Variants in BIRC6 observed in about 807,000 individuals in gnomAD.
The protein encoded by BIRC6 is baculoviral IAP repeat containing 6.
Under a neutral mutation model 503.3 loss-of-function variants are expected in BIRC6, and 98 were observed. The ratio of observed to expected loss-of-function variants is 0.19; its 90% CI spans 0.17 to 0.23. BIRC6 has a LOEUF of 0.23. Ranked by LOEUF, BIRC6 falls within the 10% of genes least tolerant of loss-of-function variation. The pLI is 1.00. For missense variants in BIRC6, 5,360 were observed against 5,806.0 expected, an observed-to-expected ratio of 0.92 and a Z score of 2.50; for synonymous variants, 2,240 against 2,078.7, an observed-to-expected ratio of 1.08 and a Z score of -2.11.
intron 22 of BIRC6, among the ~76,000 whole-genome samples, chr2:32,451,669 G>A (rs2046745828): frequency 6.6e-6 from 1 of 152,202 alleles, no homozygotes. Flanking sequence ...GTGAAGTTCA[G>A]TTACAAGCTG....
intron 66 of BIRC6, among the ~76,000 whole-genome samples, chr2:32,575,887 A>G (rs992128115): frequency 1.3e-5 from 2 of 152,234 alleles, no homozygotes; most frequent in Non-Finnish European, 1.5e-5. Context: ...CTTATTCAGT[A>G]TCTCCCTGTG....
chr2:32,550,003 T>C (rs2058319627), intron 65 of BIRC6, among the ~76,000 whole-genome samples: 1 of 152,188 alleles, frequency 6.6e-6, no homozygotes, highest in Non-Finnish European at 1.5e-5. Context: ...TAATATAGTT[T>C]ATTATTTCCT....
rs751675368 is a variant in BIRC6, at chr2:32,469,415, T to C, written c.6148T>C (p.Leu2050=). The stretch of plus-strand genomic sequence containing the variant: ...AATAGGACACTCTGTTCCTGCAGTT[T>C]TGCAGAGCACATTTCATGCCCAGGC... The part of the protein sequence containing the change: ...ASNGHSVPAV[L]QSTFHAQACE... Residue 2050 remains leucine (L), a synonymous_variant, in exon 30 of 74, where the codon TTG becomes CTG. Transcript: ENST00000421745. 3.7e-6 allele frequency: 6 copies of C among 1,613,394 alleles called. No individual in the cohort carries two copies. Among genetic ancestry groups the C allele is most frequent in the Admixed American group, 1.7e-5 (1 of 59,920 alleles).
rs778804885 is a variant in BIRC6, at chr2:32,598,014, C to T, written c.13830+46C>T. On this transcript the variant is annotated intron_variant, in intron 69 of 73. Coordinates refer to ENST00000421745, the MANE Select transcript of BIRC6 (RefSeq NM_016252.4). ...AGCACTCTCCCTTATCTCCTTGGCT[C>T]ATCTAATTACTCAAATTTTTATACA... The T allele has an allele frequency of 2.8e-6, 4 of 1,436,924 alleles. No individual in the cohort carries two copies. In the Admixed American group the frequency reaches 8.3e-5, roughly 30 times the overall value. 89.0% of individuals were successfully genotyped at this position (1,436,924 alleles called of 1,614,324 possible).
At chr2:32,550,510 C>T (rs1357074090) in intron 65 of BIRC6, among the ~76,000 whole-genome samples, 1 of 151,962 alleles carries the variant, frequency 6.6e-6, no homozygotes, top group African/African-American at 2.4e-5. Flanking sequence ...AAGTAGATGT[C>T]AAATGCATAA....
At chr2:32,466,922 A>G (rs1178131948) in intron 26 of BIRC6, among the ~76,000 whole-genome samples, 1 of 152,062 alleles carries the variant, frequency 6.6e-6, no homozygotes, top group East Asian at 1.9e-4. Flanking sequence ...GATTAAGACC[A>G]TCCTGGCTAG....
intron 57 of BIRC6, chr2:32,519,279 T>C: frequency 9.1e-6 from 2 of 219,052 alleles, no homozygotes; most frequent in South Asian, 1.5e-4. Flanking sequence ...AATAGCAAGA[T>C]TCTAATTAAT....
chr2:32,419,824 T>G (rs1252577296), intron 10 of BIRC6, among the ~76,000 whole-genome samples: 1 of 152,204 alleles, frequency 6.6e-6, no homozygotes, highest in Non-Finnish European at 1.5e-5. Flanking sequence ...ATTATTGGAC[T>G]GTATGGTCAC....
intron 55 of BIRC6, among the ~76,000 whole-genome samples, chr2:32,516,231 A>G (rs946580836): frequency 6.6e-6 from 1 of 152,166 alleles, no homozygotes; most frequent in Non-Finnish European, 1.5e-5. Context: ...TGTGGAAGAT[A>G]GGCTGGTTGT....
intron 1 of BIRC6, 89 bp from the exon 2 acceptor site, chr2:32,377,499 A>G (rs569737581): frequency 4.7e-6 from 5 of 1,053,360 alleles, no homozygotes; most frequent in African/African-American, 1.6e-5. Context: ...TCAGGATAAT[A>G]TATTGTGTTT....
At chr2:32,533,751 C>T (rs2056968682) in intron 61 of BIRC6, among the ~76,000 whole-genome samples, 1 of 152,182 alleles carries the variant, frequency 6.6e-6, no homozygotes, top group Non-Finnish European at 1.5e-5. Flanking sequence ...TAAGTAGCCT[C>T]TGGAAGCTGG....
At chr2:32,369,942 AAAAATATATATATATAT>A (rs1267364955) in intron 1 of BIRC6, among the ~76,000 whole-genome samples, 1 of 34,306 alleles carries the variant, frequency 2.9e-5, no homozygotes, top group African/African-American at 1.7e-4. Flanking sequence ...AAAAAAAAAA[AAAAATATATATATATAT>A]ATATATATAT....
In BIRC6 at chr2:32,436,166, A is replaced by G. The variant is rs537563280; in HGVS notation, c.3613A>G (p.Ser1205Gly). The change falls in exon 15 of 74, where the codon AGC (serine) becomes GGC (glycine). Residue 1205 changes from serine (S) to glycine (G), a missense_variant. This residue lies in a region of BIRC6 where 2,299 missense variants were observed against 2,267.2 expected (regional missense o/e 1.01). Transcript: ENST00000421745. The stretch of plus-strand genomic sequence containing the variant: ...GCATGCTGGAATGTTGACGTTAACA[A>G]GCCCCAAACTTGTTAAAGGTGAAGT... Reference protein sequence around the residue: ...SGHAGMLTLTSPKLVKGMAGG... With the variant: ...SGHAGMLTLTGPKLVKGMAGG... The G allele has an allele frequency of 6.2e-6, 9 of 1,457,678 alleles. No homozygotes were observed. The East Asian group carries it at 1.7e-4, about 28-fold the overall frequency. 90.3% of individuals were successfully genotyped at this position (1,457,678 alleles called of 1,614,324 possible). A position where few individuals can be genotyped will look rare whatever the true frequency, so the allele number is the denominator to read the frequency against.
At position 32,473,706 on chromosome 2, in the gene BIRC6, CGTGTGTGTGT is replaced by C. The variant is rs70938348; in HGVS notation, c.6720+502_6720+511del. On this transcript the variant is annotated intron_variant, in intron 33 of 73. Coordinates refer to ENST00000421745, the MANE Select transcript of BIRC6 (RefSeq NM_016252.4). Reference sequence around the variant, plus strand: ...TTTCCATGTCTTTTTTCTCCTTTTTCGTGTGTGTGTGTGTGTGTGTGTGTGTGTGTGTGTG... The same window carrying C: ...TTTCCATGTCTTTTTTCTCCTTTTTCGTGTGTGTGTGTGTGTGTGTGTGTG... Among the ~76,000 whole-genome samples, 722 of 72,698 alleles carry C rather than the reference CGTGTGTGTGT, an allele frequency of 9.9e-3. 7 individuals are homozygous for C. The highest frequency in any genetic ancestry group is 0.025 in the African/African-American group (452 of 18,082). 47.7% of individuals were successfully genotyped at this position (72,698 alleles called of 152,430 possible).
At chr2:32,465,289 G>C in intron 26 of BIRC6, 125 bp downstream of exon 26, 1 of 557,428 alleles carries the variant, frequency 1.8e-6, no homozygotes, top group Non-Finnish European at 3.0e-6. Flanking sequence ...GTTTCCTCTT[G>C]GGTTAAGTAC....
rs1404256931 is a variant in BIRC6 at position 32,469,479 on chromosome 2, C to T, written c.6212C>T (p.Thr2071Ile). The change falls in exon 30 of 74, where the codon ACC (threonine) becomes ATC (isoleucine). Residue 2071 changes from threonine (T) to isoleucine (I), a missense_variant. Coordinates refer to ENST00000421745, the MANE Select transcript of BIRC6 (RefSeq NM_016252.4). ...ELFKHLCISG[T>I]PKIRLHTGLL... ...TTTAAACACTTGTGCATCAGTGGAA[C>T]CCCAAAGATACGGTTACATACTGGT... is the stretch of plus-strand genomic sequence containing the variant. 2.5e-6 allele frequency: 4 copies of T among 1,613,746 alleles called. No individual in the cohort carries two copies. The highest frequency in any genetic ancestry group is 3.4e-6 in the Non-Finnish European group (4 of 1,179,814).
chr2:32,564,253 T>C (rs2059386467), intron 65 of BIRC6: 1 of 152,234 alleles, frequency 6.6e-6, no homozygotes. Flanking sequence ...ATTGGCTTTT[T>C]CCATGCAGCA....
At chr2:32,428,941 T>C (rs1296116489) in intron 10 of BIRC6, among the ~76,000 whole-genome samples, 1 of 152,222 alleles carries the variant, frequency 6.6e-6, no homozygotes, top group Non-Finnish European at 1.5e-5. Flanking sequence ...TATGTTTATG[T>C]ATTTATCATT....
intron 9 of BIRC6, among the ~76,000 whole-genome samples, chr2:32,410,960 A>G (rs1425132224): frequency 1.3e-5 from 2 of 152,208 alleles, no homozygotes; most frequent in Non-Finnish European, 2.9e-5. Flanking sequence ...TCGGCCTCCC[A>G]AAGTGCTGGG....
Sources: allele counts gnomAD v4.1 joint callset (sites outside exome capture counted in the v4.1 genomes callset), GRCh38; gene constraint gnomAD v4.1.1; regional missense constraint gnomAD v4.1.1; transcripts MANE v1.5; gene names NCBI Gene and HGNC (gene_info 2026-07-23, HGNC 2026-07-21).